Variants in PSD3 observed in about 807,000 individuals in gnomAD.
The protein encoded by PSD3 is PH and SEC7 domain-containing protein 3.
In PSD3, 49 loss-of-function variants were observed where a neutral mutation model predicts 105.5. The observed-to-expected ratio is 0.46, with a 90% CI of 0.37 to 0.59. The LOEUF (loss-of-function observed/expected upper bound fraction) is 0.59. Among genes scored for constraint, PSD3 ranks in the 20% least tolerant of loss-of-function variants. The pLI is 0.00. For synonymous variants in PSD3, 557 were observed against 457.8 expected (o/e 1.22, Z -2.77); for missense variants, 1,561 against 1,263.8 (o/e 1.24, Z -3.57).
chr8:18,564,419 A>G (rs1350811055), intron 14 of PSD3, among the ~76,000 whole-genome samples: 1 of 152,138 alleles, frequency 6.6e-6, no homozygotes, highest in Non-Finnish European at 1.5e-5. Flanking sequence ...ACCTGAGGTC[A>G]GGAGGTCAAG....
rs539793811 is a variant in PSD3, at chr8:18,930,180, A to G, written c.130+5854T>C. Among the ~76,000 whole-genome samples the G allele has an allele frequency of 1.7e-4, 26 of 152,284 alleles. 1 individual carries two copies. In the South Asian group the frequency reaches 2.7e-3, roughly 16 times the overall value. On this transcript the variant is annotated intron_variant, in intron 2 of 15. Transcript: ENST00000327040. ...GAACACAAGACTCACACTTCCAGAA[A>G]CGTGAGTGGGTAGGGGTCAAGAGAG...
intron 4 of PSD3, chr8:18,849,215 T>C (rs1815365369): frequency 6.6e-6 from 1 of 152,200 alleles, no homozygotes; most frequent in African/African-American, 2.4e-5. Context: ...TCCACTTACA[T>C]TGCAAATGAA....
chr8:18,551,829 G>A (rs1800786733), intron 15 of PSD3, among the ~76,000 whole-genome samples: 1 of 152,034 alleles, frequency 6.6e-6, no homozygotes, highest in Admixed American at 6.6e-5. Flanking sequence ...CAAGCATGAA[G>A]GGACTATTAA....
chr8:18,724,361 C>T (rs1293410950), intron 9 of PSD3, among the ~76,000 whole-genome samples: 1 of 152,152 alleles, frequency 6.6e-6, no homozygotes, highest in Non-Finnish European at 1.5e-5. Flanking sequence ...CTTGTAATCC[C>T]AGCATTTTGG....
Position 19,084,567 on chromosome 8 carries a change from T to C in PSD3, c.-38A>G, listed in dbSNP as rs564913746. The C allele has an allele frequency of 5.8e-4, 219 of 375,186 alleles. 1 individual carries two copies. Among genetic ancestry groups the C allele is most frequent in the African/African-American group, 4.5e-3 (214 of 47,900 alleles). 23.2% of individuals were successfully genotyped at this position (375,186 alleles called of 1,614,324 possible). ...GCTAGGAAGCCTCCATGCCAGGGGC[T>C]GTAGCCAGCCCAGTGTCTTGGAGGC... On this transcript the variant is annotated 5_prime_UTR_variant, in exon 1 of 2. Coordinates refer to the PSD3 transcript ENST00000521475.
At chr8:18,652,101 C>T (rs1287078679) in intron 10 of PSD3, among the ~76,000 whole-genome samples, 1 of 152,044 alleles carries the variant, frequency 6.6e-6, no homozygotes, top group African/African-American at 2.4e-5. Flanking sequence ...AGGCTAAAAT[C>T]CAGGTAAGCC....
At chr8:18,650,714 A>C (rs959778689) in intron 10 of PSD3, among the ~76,000 whole-genome samples, 1 of 152,238 alleles carries the variant, frequency 6.6e-6, no homozygotes, top group Non-Finnish European at 1.5e-5. Flanking sequence ...TAGATGAATA[A>C]ATAAATGATC....
intron 1 of PSD3, among the ~76,000 whole-genome samples, chr8:19,025,243 C>T (rs1427976895): frequency 6.6e-6 from 1 of 152,066 alleles, no homozygotes; most frequent in Non-Finnish European, 1.5e-5. Context: ...CATGGAACAC[C>T]CATATTTGGT....
intron 9 of PSD3, among the ~76,000 whole-genome samples, chr8:18,688,231 G>A (rs187139365): frequency 6.6e-6 from 1 of 151,466 alleles, no homozygotes; most frequent in Non-Finnish European, 1.5e-5. Context: ...CTACAGGCAT[G>A]CACCTGGCAC....
At chr8:18,557,745 A>G (rs1259261979) in intron 14 of PSD3, among the ~76,000 whole-genome samples, 3 of 152,230 alleles carry the variant, frequency 2.0e-5, no homozygotes, top group South Asian at 4.1e-4. Flanking sequence ...AAAGGCGTCT[A>G]CATCTCCAAA....
chr8:19,047,334 G>A (rs1167089160), intron 1 of PSD3, among the ~76,000 whole-genome samples: 2 of 152,250 alleles, frequency 1.3e-5, no homozygotes, highest in South Asian at 4.1e-4. Context: ...AGATTTCACC[G>A]CAAGTAAAGG....
At chr8:18,911,391 G>A (rs145403518) in intron 2 of PSD3, among the ~76,000 whole-genome samples, 1 of 152,300 alleles carries the variant, frequency 6.6e-6, no homozygotes, top group South Asian at 2.1e-4. Flanking sequence ...TTTCCTGTAA[G>A]GCTGCAGGAT....
intron 9 of PSD3, among the ~76,000 whole-genome samples, chr8:18,707,845 A>G (rs2129420150): frequency 6.6e-6 from 1 of 152,352 alleles, no homozygotes; most frequent in South Asian, 2.1e-4. Flanking sequence ...CCTGAATCAA[A>G]CAGACAGATA....
At chr8:18,584,555 A>G (rs1461878040) in intron 12 of PSD3, among the ~76,000 whole-genome samples, 3 of 152,254 alleles carry the variant, frequency 2.0e-5, no homozygotes, top group African/African-American at 7.2e-5. Flanking sequence ...TGAAGCTCAG[A>G]TGGAAGAAGT....
chr8:19,024,409 C>T (rs1827472576), intron 1 of PSD3, among the ~76,000 whole-genome samples: 1 of 152,186 alleles, frequency 6.6e-6, no homozygotes, highest in Non-Finnish European at 1.5e-5. Context: ...TGCCAGGGGC[C>T]TCTGAAATGT....
chr8:18,658,702 C>T (rs12676446), intron 9 of PSD3, among the ~76,000 whole-genome samples: 19,970 of 151,714 alleles, frequency 0.13, 1,544 homozygotes, highest in East Asian at 0.22. Flanking sequence ...CTGATTTCTC[C>T]GTATGAAAAT....
At chr8:18,698,837 T>C (rs1801410485) in intron 9 of PSD3, among the ~76,000 whole-genome samples, 1 of 152,236 alleles carries the variant, frequency 6.6e-6, no homozygotes, top group South Asian at 2.1e-4. Flanking sequence ...AGCTTTTATA[T>C]GCAGGAACAA....
intron 4 of PSD3, among the ~76,000 whole-genome samples, chr8:18,827,607 T>C (rs2129450027): frequency 6.6e-6 from 1 of 152,248 alleles, no homozygotes; most frequent in African/African-American, 2.4e-5. Context: ...ATCTGGCAAG[T>C]AAGTGCTATG....
intron 2 of PSD3, among the ~76,000 whole-genome samples, chr8:18,893,796 T>C (rs1818968680): frequency 6.6e-6 from 1 of 152,216 alleles, no homozygotes; most frequent in South Asian, 2.1e-4. Flanking sequence ...TCTCTCTCAC[T>C]GGCTCACAGG....
Sources: allele counts gnomAD v4.1 joint callset (sites outside exome capture counted in the v4.1 genomes callset), GRCh38; gene constraint gnomAD v4.1.1; transcripts MANE v1.5; gene names NCBI Gene and HGNC (gene_info 2026-07-23, HGNC 2026-07-21).